Variants in GNAZ observed in about 807,000 individuals in gnomAD.
GNAZ encodes the protein guanine nucleotide-binding protein G(z) subunit alpha.
Under a neutral mutation model 25.4 loss-of-function variants are expected in GNAZ, and 3 were observed. The ratio of observed to expected loss-of-function variants is 0.12; its 90% CI spans 0.05 to 0.30. The LOEUF (loss-of-function observed/expected upper bound fraction) is 0.30, where lower values mean the gene tolerates loss of function less well. GNAZ is among the 10% of genes least tolerant of loss of function. The pLI, the probability that GNAZ is intolerant of heterozygous loss-of-function variation, is 1.00. For synonymous variants in GNAZ, 211 were observed against 205.7 expected, an observed-to-expected ratio of 1.03 and a Z score of -0.22; for missense variants, 241 against 501.8, an observed-to-expected ratio of 0.48 and a Z score of 4.97.
At chr22:23,089,732 A>T (rs1248647267) in intron 1 of GNAZ, among the ~76,000 whole-genome samples, 1 of 152,124 alleles carries the variant, frequency 6.6e-6, no homozygotes, top group Admixed American at 6.5e-5. Flanking sequence ...GGGCTGAAGG[A>T]TCTGTCCCGA....
chr22:23,096,627 G>A (rs2146318641), intron 2 of GNAZ, among the ~76,000 whole-genome samples: 1 of 152,312 alleles, frequency 6.6e-6, no homozygotes, highest in East Asian at 1.9e-4. Context: ...CATGCCTGAA[G>A]TACTCAGGGT....
At position 23,078,914 on chromosome 22, in the gene GNAZ, G is replaced by A. The variant is rs543514114; in HGVS notation, c.-450+8344G>A. On this transcript the variant is annotated intron_variant, in intron 1 of 2. Coordinates refer to ENST00000615612, the MANE Select transcript of GNAZ (RefSeq NM_002073.4). ...ATCGGCCAAGTCCAGGTGGGCGGGG[G>A]CTGTGCGTCTACCCGTGTCCACCCA... 6.6e-5 allele frequency among the ~76,000 whole-genome samples: 10 copies of A among 152,330 alleles called. No individual in the cohort carries two copies. In the East Asian group the frequency reaches 1.2e-3, roughly 18 times the overall value.
chr22:23,081,116 A>G (rs984377325), intron 1 of GNAZ, among the ~76,000 whole-genome samples: 1 of 152,204 alleles, frequency 6.6e-6, no homozygotes. Context: ...TGCTTTGGAA[A>G]AGCCTCAGTA....
chr22:23,086,713 G>C (rs2068830503), intron 1 of GNAZ, among the ~76,000 whole-genome samples: 1 of 152,268 alleles, frequency 6.6e-6, no homozygotes, highest in South Asian at 2.1e-4. Flanking sequence ...TGAGGACACT[G>C]GACCATGACC....
chr22:23,108,317 A>G (rs941708266), intron 2 of GNAZ, among the ~76,000 whole-genome samples: 2 of 152,386 alleles, frequency 1.3e-5, no homozygotes, highest in Admixed American at 6.5e-5. Context: ...ACAGGGGCCA[A>G]TGGTGCTAAA....
In GNAZ at chr22:23,075,167, C is replaced by T. The variant is rs542866542; in HGVS notation, c.-450+4597C>T. ...GGAGAAGGAAGGCCTGGAGGGTGGG[C>T]CCGCAACCTGCCTGCTGCCCAGTCC... On this transcript the variant is annotated intron_variant, in intron 1 of 2. Transcript: ENST00000615612. Among the ~76,000 whole-genome samples the T allele has an allele frequency of 5.9e-5, 9 of 152,204 alleles. No homozygotes were observed. The South Asian group carries it at 1.7e-3, about 28-fold the overall frequency.
chr22:23,122,744 T>G, intron 2 of GNAZ: 1 of 293,222 alleles, frequency 3.4e-6, no homozygotes, highest in Non-Finnish European at 6.4e-6. Flanking sequence ...AGATGGGGGG[T>G]CCTCGGAGCT....
chr22:23,114,225 C>T (rs925519580), intron 2 of GNAZ, among the ~76,000 whole-genome samples: 5 of 152,196 alleles, frequency 3.3e-5, no homozygotes, highest in Admixed American at 6.5e-5. Flanking sequence ...TCTACAACCC[C>T]GCCCCACAGC....
intron 1 of GNAZ, among the ~76,000 whole-genome samples, chr22:23,094,985 T>G (rs1022396666): frequency 3.5e-4 from 53 of 152,178 alleles, no homozygotes; most frequent in Non-Finnish European, 5.6e-4. Context: ...GGGGGCTGGG[T>G]GGGCAGAGGC....
chr22:23,076,880 G>A (rs997976694), intron 1 of GNAZ, among the ~76,000 whole-genome samples: 2 of 152,248 alleles, frequency 1.3e-5, no homozygotes, highest in Non-Finnish European at 2.9e-5. Flanking sequence ...CCAGGCCTGG[G>A]TAGAAGTCCA....
chr22:23,074,178 C>T (rs2068449498), intron 1 of GNAZ, among the ~76,000 whole-genome samples: 1 of 151,634 alleles, frequency 6.6e-6, no homozygotes, highest in Non-Finnish European at 1.5e-5. Context: ...CTGGAGCTGC[C>T]CTCCCAGGAG....
At chr22:23,101,388 C>T (rs1429904375) in intron 2 of GNAZ, among the ~76,000 whole-genome samples, 1 of 152,164 alleles carries the variant, frequency 6.6e-6, no homozygotes, top group African/African-American at 2.4e-5. Flanking sequence ...GACTGGGTTC[C>T]ACCCTTGGAG....
chr22:23,094,558 T>C (rs2069071058), intron 1 of GNAZ, among the ~76,000 whole-genome samples: 1 of 152,172 alleles, frequency 6.6e-6, no homozygotes, highest in Non-Finnish European at 1.5e-5. Flanking sequence ...CCCAGCTCCT[T>C]GGTCTCAGCC....
At chr22:23,082,283 C>T (rs558948050) in intron 1 of GNAZ, among the ~76,000 whole-genome samples, 11 of 151,588 alleles carry the variant, frequency 7.3e-5, no homozygotes, top group African/African-American at 2.7e-4. Flanking sequence ...ATGGCGCGAT[C>T]TCGGCTCACT....
intron 2 of GNAZ, among the ~76,000 whole-genome samples, chr22:23,113,873 C>G (rs1819877426): frequency 6.6e-6 from 1 of 152,240 alleles, no homozygotes; most frequent in African/African-American, 2.4e-5. Flanking sequence ...CAGTGCCAGC[C>G]AAGGGCAGGC....
chr22:23,108,138 G>T (rs936888299), intron 2 of GNAZ, among the ~76,000 whole-genome samples: 1 of 152,320 alleles, frequency 6.6e-6, no homozygotes, highest in African/African-American at 2.4e-5. Flanking sequence ...ACACAGGTGG[G>T]GAGCAGCCAG....
chr22:23,102,214 G>A lies in GNAZ; in HGVS notation c.723+5796G>A, dbSNP rs142035356. Among the ~76,000 whole-genome samples, 1,119 of 152,350 alleles carry A rather than the reference G, an allele frequency of 7.3e-3. 6 individuals are homozygous for A. Among genetic ancestry groups the A allele is most frequent in the Middle Eastern group, 0.02 (6 of 294 alleles). On this transcript the variant is annotated intron_variant, in intron 2 of 2. Coordinates refer to ENST00000615612, the MANE Select transcript of GNAZ (RefSeq NM_002073.4). ...TTCAGCCGCTCTGAGCCTGTGGCCAGTGCTCAGTGAATGATGGGTATCTGC... is the reference window on the plus strand; with the variant it reads ...TTCAGCCGCTCTGAGCCTGTGGCCAATGCTCAGTGAATGATGGGTATCTGC...
At chr22:23,120,512 C>T (rs2146394887) in intron 2 of GNAZ, among the ~76,000 whole-genome samples, 1 of 152,274 alleles carries the variant, frequency 6.6e-6, no homozygotes, top group African/African-American at 2.4e-5. Context: ...TGAGGTGGCC[C>T]TCCTGCTCCT....
intron 1 of GNAZ, among the ~76,000 whole-genome samples, chr22:23,077,169 C>A (rs1477944270): frequency 2.0e-5 from 3 of 152,120 alleles, no homozygotes; most frequent in Admixed American, 6.5e-5. Context: ...CCACTGTACC[C>A]CCTCCTATCT....
Sources: gnomAD v4.1 joint callset for allele counts (sites outside exome capture counted in the v4.1 genomes callset) on GRCh38, gnomAD v4.1.1 for gene constraint, MANE v1.5 for transcripts, NCBI Gene and HGNC (gene_info 2026-07-23, HGNC 2026-07-21) for gene names.